The following RASGRF1 variants were observed in gnomAD, a reference collection of about 807,000 sequenced individuals.
RASGRF1 encodes the protein ras-specific guanine nucleotide-releasing factor 1.
A neutral mutation model predicts 138.7 loss-of-function variants in RASGRF1; 40 were observed. The ratio of observed to expected loss-of-function variants is 0.29; its 90% confidence interval spans 0.22 to 0.38. RASGRF1 has a LOEUF of 0.38. Ranked by LOEUF, RASGRF1 falls within the 10% of genes least tolerant of loss-of-function variation. RASGRF1 has a pLI of 1.00. For missense variants in RASGRF1, 1,108 were observed against 1,650.4 expected (o/e 0.67, Z 5.69); for synonymous variants, 614 against 663.2 (o/e 0.93, Z 1.14).
At chr15:79,019,571 A>G (rs2056929545) in intron 11 of RASGRF1, among the ~76,000 whole-genome samples, 1 of 152,038 alleles carries the variant, frequency 6.6e-6, no homozygotes, top group Admixed American at 6.5e-5. Flanking sequence ...GCCCCTGCAC[A>G]TTCTTTCCTT....
rs78694905 is a variant in RASGRF1, at chr15:79,057,834, G to A, written c.531+500C>T. Among the ~76,000 whole-genome samples, 503 of 152,346 alleles carry A rather than the reference G, an allele frequency of 3.3e-3. 3 individuals are homozygous for A. The highest frequency in any genetic ancestry group is 0.011 in the African/African-American group (476 of 41,572). On this transcript the variant is annotated intron_variant, in intron 3 of 26. Coordinates refer to ENST00000558480, the MANE Select transcript of RASGRF1 (RefSeq NM_001145648.3). ...AATGCCGCCTCCAGAATGCTGGCTG[G>A]TGGGCCGCTGCAGGAGCTTTCATCA... is the stretch of plus-strand genomic sequence containing the variant.
intron 16 of RASGRF1, 31 bp downstream of exon 16, chr15:79,001,631 C>A (rs774047421): frequency 1.2e-6 from 2 of 1,610,110 alleles, no homozygotes; most frequent in Non-Finnish European, 8.5e-7. Context: ...AACTGGAAAT[C>A]TATTTGTGGT....
chr15:78,979,179 G>A lies in RASGRF1; in HGVS notation c.3494+1441C>T, dbSNP rs186638040. On this transcript the variant is annotated intron_variant, in intron 24 of 26. Coordinates refer to ENST00000558480, the MANE Select transcript of RASGRF1 (RefSeq NM_001145648.3). ...GAGCCCAGGCAGAAGAGAGACGGCT[G>A]GACAGCACAGATGGGTGCAACATCT... 6.2e-6 allele frequency: 8 copies of A among 1,286,200 alleles called. No homozygotes were observed. In the Admixed American group the frequency reaches 1.8e-4, roughly 30 times the overall value. The allele number at this position is 1,286,200 out of a possible 1,614,324, so 79.7% of individuals were successfully genotyped here.
In RASGRF1 at chr15:78,971,893, A is replaced by C. The variant is rs2055768501; in HGVS notation, c.3654T>G (p.Thr1218=). 6.3e-7 allele frequency: 1 copy of C among 1,589,886 alleles called. No individual in the cohort carries two copies. The highest frequency in any genetic ancestry group is 1.3e-5 in the African/African-American group (1 of 74,372). Residue 1218 remains threonine, a synonymous_variant, in exon 26 of 27, where the codon ACT becomes ACG. Coordinates refer to ENST00000558480, the MANE Select transcript of RASGRF1 (RefSeq NM_001145648.3). The stretch of plus-strand genomic sequence containing the variant: ...TTGCTTGGTGCTCTATTTTGTAGGC[A>C]GTTTGTTGAAACTGGCGAATCTCTC... ...IIREIRQFQQ[T]AYKIEHQAKV...
At chr15:79,045,753 A>G (rs1435467940) in intron 5 of RASGRF1, among the ~76,000 whole-genome samples, 1 of 152,122 alleles carries the variant, frequency 6.6e-6, no homozygotes, top group Non-Finnish European at 1.5e-5. Context: ...GTCCCCTCAA[A>G]CTCAGCACAT....
Position 79,059,246 on chromosome 15 carries a change from T to A in RASGRF1, c.384-765A>T, listed in dbSNP as rs1488261474. 1.7e-4 allele frequency among the ~76,000 whole-genome samples: 15 copies of A among 87,346 alleles called. 1 individual carries two copies. Among genetic ancestry groups the A allele is most frequent in the African/African-American group, 5.1e-4 (9 of 17,726 alleles). 57.3% of individuals were successfully genotyped at this position (87,346 alleles called of 152,430 possible). Reference sequence around the variant, plus strand: ...ATCCTTCCCTTCCCTTCCCTTCCCTTCCCTATCCTTCCCTTCCCTTCCCTT... The same window carrying A: ...ATCCTTCCCTTCCCTTCCCTTCCCTACCCTATCCTTCCCTTCCCTTCCCTT... On this transcript the variant is annotated intron_variant, in intron 2 of 26. Transcript: ENST00000558480.
chr15:78,989,187 T>C (rs1251238150), intron 22 of RASGRF1, among the ~76,000 whole-genome samples: 4 of 152,214 alleles, frequency 2.6e-5, no homozygotes, highest in Non-Finnish European at 5.9e-5. Context: ...CATGTTTCTC[T>C]GAGGAGGGAT....
At chr15:79,084,176 G>A (rs1026560215) in intron 1 of RASGRF1, among the ~76,000 whole-genome samples, 2 of 152,206 alleles carry the variant, frequency 1.3e-5, no homozygotes, top group African/African-American at 4.8e-5. Context: ...CATCGATGAA[G>A]GGAAGTTAAG....
Position 78,999,748 on chromosome 15 carries a change from C to G in RASGRF1, c.2741G>C (p.Ser914Thr). The G allele has an allele frequency of 6.2e-7, 1 of 1,613,618 alleles. No individual in the cohort carries two copies. Residue 914 changes from serine to threonine, a missense_variant, in exon 17 of 27, where the codon AGT (serine) becomes ACT (threonine). Transcript: ENST00000558480. Reference sequence around the variant, plus strand: ...GTGGAGAACACCCCACATACCTGCACTGGCTAAGGACATCCTCCGGTACTT... The same window carrying G: ...GTGGAGAACACCCCACATACCTGCAGTGGCTAAGGACATCCTCCGGTACTT... ...KEKYRRMSLA[S>T]AGFPPDQRNG... is the part of the protein sequence containing the mutation.
At chr15:78,991,599 G>T in intron 21 of RASGRF1, 92 bp downstream of exon 21, 1 of 1,029,850 alleles carries the variant, frequency 9.7e-7, no homozygotes, top group Non-Finnish European at 1.5e-6. Context: ...GGTCCGTGCA[G>T]CTCTGGAAAT....
chr15:79,027,686 C>T lies in RASGRF1; in HGVS notation c.1381+55G>A. 6.4e-7 allele frequency: 1 copy of T among 1,556,138 alleles called. No individual in the cohort carries two copies. Among genetic ancestry groups the T allele is most frequent in the East Asian group, 2.3e-5 (1 of 44,174 alleles). On this transcript the variant is annotated intron_variant, in intron 9 of 26. Transcript: ENST00000558480. The surrounding 1 kb of genome is among the most constrained non-coding windows in gnomAD (Gnocchi z 4.8). ...GGCGTCCCCGAGTGCCGCCTCCCTC[C>T]CGCTGCTGGGGCCCACCTGGTGGGG...
chr15:79,089,615 C>T (rs1307274883), intron 1 of RASGRF1, among the ~76,000 whole-genome samples: 3 of 152,338 alleles, frequency 2.0e-5, no homozygotes, highest in East Asian at 3.9e-4. Flanking sequence ...CTTGTTGCTC[C>T]GGCGGCCGCC....
At chr15:79,016,828 G>A (rs1404166441) in intron 12 of RASGRF1, among the ~76,000 whole-genome samples, 5 of 152,222 alleles carry the variant, frequency 3.3e-5, no homozygotes, top group African/African-American at 9.7e-5. Context: ...GAGCAAGCAA[G>A]GGAAGCCGTC....
intron 26 of RASGRF1, among the ~76,000 whole-genome samples, chr15:78,963,154 T>A (rs1835691052): frequency 6.6e-6 from 1 of 152,196 alleles, no homozygotes; most frequent in African/African-American, 2.4e-5. Context: ...GCCTGCGCAT[T>A]AAATGTGCAA....
chr15:79,082,288 G>A (rs2141103819), intron 1 of RASGRF1, among the ~76,000 whole-genome samples: 1 of 152,244 alleles, frequency 6.6e-6, no homozygotes, highest in South Asian at 2.1e-4. Context: ...AAGCCAGGTG[G>A]CTCACCCTGT....
rs568975315 is a variant in RASGRF1 at position 79,043,995 on chromosome 15, G to A, written c.878+2751C>T. On this transcript the variant is annotated intron_variant, in intron 5 of 26. Transcript: ENST00000558480. ...TATCCAGCCCCCTACAAGGCACCAG[G>A]GAAGTGCACTCAGATGCACATTTGC... 8.5e-5 allele frequency among the ~76,000 whole-genome samples: 13 copies of A among 152,310 alleles called. No individual in the cohort carries two copies. The South Asian group carries it at 1.5e-3, about 17-fold the overall frequency.
At chr15:78,974,162 G>A (rs756342145) in intron 24 of RASGRF1, among the ~76,000 whole-genome samples, 4 of 152,130 alleles carry the variant, frequency 2.6e-5, no homozygotes, top group Non-Finnish European at 5.9e-5. Context: ...GTGTTCTGGT[G>A]CCCTTGGCTC....
Position 79,047,009 on chromosome 15 carries a change from A to G in RASGRF1, c.625-10T>C. On this transcript the variant is annotated splice_polypyrimidine_tract_variant and intron_variant, in intron 4 of 26. Coordinates refer to ENST00000558480, the MANE Select transcript of RASGRF1 (RefSeq NM_001145648.3). ...GCAGGAAGCTCTGCACCTGAGCAGCAAGACCGGTGGGGAGAGGCTCCTGTC... is the reference window on the plus strand; with the variant it reads ...GCAGGAAGCTCTGCACCTGAGCAGCGAGACCGGTGGGGAGAGGCTCCTGTC... 6.2e-7 allele frequency: 1 copy of G among 1,606,566 alleles called. No individual in the cohort carries two copies. Among genetic ancestry groups the G allele is most frequent in the Non-Finnish European group, 8.5e-7 (1 of 1,176,192 alleles).
chr15:79,002,561 A>G (rs1377079852), intron 15 of RASGRF1, among the ~76,000 whole-genome samples: 1 of 152,150 alleles, frequency 6.6e-6, no homozygotes, highest in African/African-American at 2.4e-5. Context: ...ACACACACAT[A>G]TACACACACA....
Sources: gnomAD v4.1 joint callset for allele counts (sites outside exome capture counted in the v4.1 genomes callset) on GRCh38, gnomAD v4.1.1 for gene constraint, Gnocchi (gnomAD v3.1) non-coding constraint, MANE v1.5 for transcripts, NCBI Gene and HGNC (gene_info 2026-07-23, HGNC 2026-07-21) for gene names.